PDE4D: variants seen among roughly 807,000 people sequenced by gnomAD.
The protein encoded by PDE4D is phosphodiesterase 4D.
A neutral mutation model predicts 87.4 loss-of-function variants in PDE4D; 24 were observed. That is an observed-to-expected ratio of 0.27 (90% CI 0.20 to 0.39). The LOEUF is 0.39. Ranked by LOEUF, PDE4D falls within the 10% of genes least tolerant of loss-of-function variation. The pLI, the probability that PDE4D is intolerant of heterozygous loss-of-function variation, is 1.00. For missense variants in PDE4D, 714 were observed against 1,041.0 expected (o/e 0.69, Z 4.32); for synonymous variants, 384 against 383.2 (o/e 1.00, Z -0.02).
intron 1 of PDE4D, among the ~76,000 whole-genome samples, chr5:59,891,654 CAAGGTACCT>C (rs1372669122): frequency 1.3e-5 from 2 of 152,184 alleles, no homozygotes; most frequent in Non-Finnish European, 1.5e-5. Flanking sequence ...ACATCTCCAA[CAAGGTACCT>C]AAGGGTGTGA....
chr5:59,215,588 T>TGTGTG, intron 2 of PDE4D, 189 bp downstream of exon 2: 2 of 549,674 alleles, frequency 3.6e-6, no homozygotes, highest in East Asian at 3.2e-5. Flanking sequence ...TGTGTGTGTG[T>TGTGTG]TAATCAAGAG....
At chr5:59,418,228 A>G (rs2153625840) in intron 1 of PDE4D, among the ~76,000 whole-genome samples, 1 of 152,302 alleles carries the variant, frequency 6.6e-6, no homozygotes, top group Middle Eastern at 3.4e-3. Context: ...ACCTTAGTTT[A>G]GAAAATATTC....
At chr5:59,302,200 A>G (rs1770397586) in intron 1 of PDE4D, among the ~76,000 whole-genome samples, 1 of 152,158 alleles carries the variant, frequency 6.6e-6, no homozygotes, top group East Asian at 1.9e-4. Flanking sequence ...ATTAGCCAAC[A>G]GTTCCCCCAA....
chr5:59,914,542 G>A lies in PDE4D; in HGVS notation c.272+73946C>T, dbSNP rs867885237. On this transcript the variant is annotated intron_variant, in intron 3 of 16. Coordinates refer to the PDE4D transcript ENST00000502484. ...GACAAAGCCAGGAAGATGTATGTGT[G>A]TGTGTGTGTGTGTGTGTGTGTGCAT... is the stretch of plus-strand genomic sequence containing the variant. 2.4e-3 allele frequency among the ~76,000 whole-genome samples: 344 copies of A among 146,182 alleles called. 1 individual carries two copies. Among genetic ancestry groups the A allele is most frequent in the African/African-American group, 8.5e-3 (325 of 38,444 alleles).
At chr5:59,299,265 G>A (rs78425239) in intron 1 of PDE4D, among the ~76,000 whole-genome samples, 34 of 152,300 alleles carry the variant, frequency 2.2e-4, no homozygotes, top group Non-Finnish European at 4.0e-4. Context: ...GATGGATGAA[G>A]AGTTGGTGAA....
chr5:60,114,320 G>A (rs1393064709), intron 2 of PDE4D, among the ~76,000 whole-genome samples: 2 of 152,042 alleles, frequency 1.3e-5, no homozygotes, highest in South Asian at 2.1e-4. Flanking sequence ...CATCTGTATC[G>A]GTACTTAGAA....
intron 1 of PDE4D, among the ~76,000 whole-genome samples, chr5:59,827,749 T>G (rs74559438): frequency 0.016 from 2,491 of 152,198 alleles, 68 homozygotes; most frequent in African/African-American, 0.057. Context: ...GGCAGCTGGG[T>G]GTCCAAACAG....
intron 1 of PDE4D, among the ~76,000 whole-genome samples, chr5:59,514,267 A>G (rs1405330387): frequency 3.3e-5 from 5 of 151,790 alleles, no homozygotes; most frequent in African/African-American, 7.3e-5. Flanking sequence ...CACCACGCCC[A>G]GCTAATTTTT....
upstream of PDE4D, among the ~76,000 whole-genome samples, chr5:60,492,555 T>C (rs1312920243): frequency 6.6e-6 from 1 of 152,180 alleles, no homozygotes; most frequent in Non-Finnish European, 1.5e-5. Context: ...TGGAATACTA[T>C]GCAGCCATAA....
chr5:60,473,211 A>T (rs1321655103), intron 1 of PDE4D, among the ~76,000 whole-genome samples: 1 of 151,164 alleles, frequency 6.6e-6, no homozygotes, highest in Non-Finnish European at 1.5e-5. Context: ...GAAAGAAAAG[A>T]AAGAGAAAGA....
intron 2 of PDE4D, among the ~76,000 whole-genome samples, chr5:60,105,233 A>C (rs1057266748): frequency 2.0e-5 from 3 of 152,234 alleles, no homozygotes; most frequent in African/African-American, 7.2e-5. Context: ...CTCAGGAGCC[A>C]ATGCGATCAA....
At chr5:59,645,247 G>A (rs942921479) in intron 1 of PDE4D, among the ~76,000 whole-genome samples, 4 of 152,180 alleles carry the variant, frequency 2.6e-5, no homozygotes, top group Admixed American at 1.3e-4. Context: ...CGTGAGGCTA[G>A]GAAGGGTGAA....
chr5:60,293,098 C>G (rs1333908563), intron 1 of PDE4D, among the ~76,000 whole-genome samples: 1 of 151,430 alleles, frequency 6.6e-6, no homozygotes, highest in Non-Finnish European at 1.5e-5. Flanking sequence ...CTCTGCCCCC[C>G]CAAGTTCAAG....
At chr5:59,148,384 AGTT>A (rs1291728328) in intron 5 of PDE4D, among the ~76,000 whole-genome samples, 1 of 152,118 alleles carries the variant, frequency 6.6e-6, no homozygotes, top group Non-Finnish European at 1.5e-5. Context: ...TAAACCTTCA[AGTT>A]GTTGTTTCTC....
At chr5:59,247,944 T>C (rs1316661843) in intron 1 of PDE4D, among the ~76,000 whole-genome samples, 3 of 149,396 alleles carry the variant, frequency 2.0e-5, no homozygotes, top group African/African-American at 7.4e-5. Context: ...ACTCTCTTCC[T>C]GTCCCATCCA....
At chr5:59,203,939 T>C (rs1748139669) in intron 2 of PDE4D, among the ~76,000 whole-genome samples, 1 of 152,152 alleles carries the variant, frequency 6.6e-6, no homozygotes, top group South Asian at 2.1e-4. Context: ...AGAGATCTAC[T>C]GTACAGGCTG....
intron 1 of PDE4D, among the ~76,000 whole-genome samples, chr5:60,368,950 C>T (rs914501914): frequency 6.6e-6 from 1 of 152,096 alleles, no homozygotes; most frequent in Non-Finnish European, 1.5e-5. Flanking sequence ...TCAGGTATGT[C>T]TTTATAGCAG....
rs762336492 is a variant in PDE4D, at chr5:59,988,471, C to T, written c.272+17G>A. 2.0e-6 allele frequency: 3 copies of T among 1,497,584 alleles called. No individual in the cohort carries two copies. In the African/African-American group the frequency reaches 4.1e-5, roughly 21 times the overall value. 92.8% of individuals were successfully genotyped at this position (1,497,584 alleles called of 1,614,324 possible). A position where few individuals can be genotyped will look rare whatever the true frequency, so the allele number is the denominator to read the frequency against. ...TCTAAAATATAAAATGGGGAAATGA[C>T]ATCTGAGGGCACTCACCCACTGGAT... On this transcript the variant is annotated intron_variant, in intron 3 of 16. Transcript: ENST00000502484.
chr5:59,387,882 C>T (rs189592805), intron 1 of PDE4D, among the ~76,000 whole-genome samples: 1 of 152,142 alleles, frequency 6.6e-6, no homozygotes, highest in African/African-American at 2.4e-5. Flanking sequence ...TACAATAGAT[C>T]TCTGGAACTT....
Sources: allele counts gnomAD v4.1 joint callset (sites outside exome capture counted in the v4.1 genomes callset), GRCh38; gene constraint gnomAD v4.1.1; transcripts MANE v1.5; gene names NCBI Gene and HGNC (gene_info 2026-07-23, HGNC 2026-07-21).